The following VPS26C variants were observed in gnomAD, a reference collection of about 807,000 sequenced individuals.
The protein encoded by VPS26C is vacuolar protein sorting-associated protein 26C.
A neutral mutation model predicts 30.6 loss-of-function variants in VPS26C; 19 were observed. That is an observed-to-expected ratio of 0.62 (90% CI 0.43 to 0.91). The LOEUF is 0.91. Ranked by LOEUF, VPS26C falls within the 40% of genes least tolerant of loss-of-function variation. The pLI is 0.00. For synonymous variants in VPS26C, 132 were observed against 151.5 expected (o/e 0.87, Z 0.95); for missense variants, 318 against 385.1 (o/e 0.83, Z 1.46).
intron 1 of VPS26C, chr21:37,262,042 G>A (rs987751289): frequency 6.6e-6 from 1 of 151,936 alleles, no homozygotes; most frequent in East Asian, 1.9e-4. Context: ...TCAATATGCT[G>A]AACAGCCAAC....
intron 7 of VPS26C, chr21:37,225,933 T>G: frequency 2.5e-6 from 1 of 403,770 alleles, no homozygotes; most frequent in Middle Eastern, 6.9e-4. Flanking sequence ...AAAAAGGATA[T>G]TCTAGAACCC....
At chr21:37,240,435 G>A (rs531706280) in intron 2 of VPS26C, 61 bp downstream of exon 2, 2 of 1,590,898 alleles carry the variant, frequency 1.3e-6, no homozygotes, top group Admixed American at 3.4e-5. Context: ...CTGAGCCACT[G>A]CGCCCAGCCC....
At chr21:37,244,098 G>A (rs927294559) in intron 1 of VPS26C, among the ~76,000 whole-genome samples, 1 of 152,202 alleles carries the variant, frequency 6.6e-6, no homozygotes, top group Non-Finnish European at 1.5e-5. Flanking sequence ...GAGGCCTGAA[G>A]CTGCCCATCT....
At chr21:37,262,152 G>A (rs1449569275) in intron 1 of VPS26C, among the ~76,000 whole-genome samples, 1 of 152,168 alleles carries the variant, frequency 6.6e-6, no homozygotes, top group African/African-American at 2.4e-5. Context: ...TGCTGTTGCT[G>A]CCAGATTAGA....
At chr21:37,267,166 GAGCGATGGAGAC>G in intron 1 of VPS26C, 60 bp downstream of exon 1, 1 of 1,317,602 alleles carries the variant, frequency 7.6e-7, no homozygotes, top group Non-Finnish European at 1.1e-6. Flanking sequence ...GACGTGCGCA[GAGCGATGGAGAC>G]AGCGGAACCT....
intron 1 of VPS26C, chr21:37,261,356 T>C (rs1184473190): frequency 6.6e-6 from 1 of 152,194 alleles, no homozygotes; most frequent in Non-Finnish European, 1.5e-5. Context: ...CCCAGACCAA[T>C]GTCCTGGAGC....
Position 37,226,321 on chromosome 21 carries a change from C to G in VPS26C, c.812-695G>C, listed in dbSNP as rs1226191919. The G allele has an allele frequency of 6.6e-6, 1 of 152,354 alleles. No individual in the cohort carries two copies. The highest frequency in any genetic ancestry group is 2.4e-5 in the African/African-American group (1 of 41,444). The allele number at this position is 152,354 out of a possible 1,614,324, so 9.4% of individuals were successfully genotyped here. ...TGTGCTGAGCCCCACACTGTGGCAG[C>G]TCAGCTGTGGAAGGGGCCTTGGAGT... On this transcript the variant is annotated intron_variant, in intron 7 of 7. Coordinates refer to ENST00000309117, the MANE Select transcript of VPS26C (RefSeq NM_006052.2). The surrounding 1 kb of genome is among the most constrained non-coding windows in gnomAD (Gnocchi z 4.1).
intron 3 of VPS26C, among the ~76,000 whole-genome samples, chr21:37,234,340 G>A (rs775855351): frequency 6.6e-6 from 1 of 152,202 alleles, no homozygotes; most frequent in African/African-American, 2.4e-5. Flanking sequence ...TGGCAGAGCC[G>A]CATTCCATTT....
At chr21:37,266,919 C>T in intron 1 of VPS26C, 2 of 444,242 alleles carry the variant, frequency 4.5e-6, no homozygotes, top group Non-Finnish European at 8.1e-6. Flanking sequence ...GGAGCTCAAG[C>T]CTGAGAACCC....
intron 3 of VPS26C, among the ~76,000 whole-genome samples, chr21:37,235,851 GTATATATA>G (rs146084592): frequency 0.019 from 1,030 of 55,064 alleles, 17 homozygotes; most frequent in African/African-American, 0.084. Flanking sequence ...ATATGTGTGT[GTATATATA>G]TATATATATA....
rs201439649 is a variant in VPS26C at position 37,262,378 on chromosome 21, CT to C, written c.57+4859del. 5.0e-3 allele frequency among the ~76,000 whole-genome samples: 766 copies of C among 152,280 alleles called. 4 individuals are homozygous for C. Among genetic ancestry groups the C allele is most frequent in the African/African-American group, 0.017 (725 of 41,556 alleles). Reference sequence around the variant, plus strand: ...CTCCAGAAGGGCCCCCAGCTTCTCCCTTTTCCCCCCAGATGACTATACCCTA... The same window carrying C: ...CTCCAGAAGGGCCCCCAGCTTCTCCCTTTCCCCCCAGATGACTATACCCTA... On this transcript the variant is annotated intron_variant, in intron 1 of 7. Coordinates refer to ENST00000309117, the MANE Select transcript of VPS26C (RefSeq NM_006052.2).
chr21:37,267,213 ATCCCC>A lies in VPS26C; in HGVS notation c.57+20_57+24del. On this transcript the variant is annotated intron_variant, in intron 1 of 7. Transcript: ENST00000309117. ...TGCAGACCCGCCCAACCCCACCTCC[ATCCCC>A]ACCCCCAGCCCCCACTTACCCCGGC... is the stretch of plus-strand genomic sequence containing the variant. The A allele has an allele frequency of 1.2e-5, 5 of 415,804 alleles. No individual in the cohort carries two copies. The highest frequency in any genetic ancestry group is 2.3e-5 in the Non-Finnish European group (5 of 215,154). The allele number at this position is 415,804 out of a possible 1,614,324, so 25.8% of individuals were successfully genotyped here.
chr21:37,259,694 T>A (rs2086284160), intron 1 of VPS26C, among the ~76,000 whole-genome samples: 1 of 152,146 alleles, frequency 6.6e-6, no homozygotes, highest in Non-Finnish European at 1.5e-5. Flanking sequence ...AAATCACACT[T>A]GGCTCTCACG....
intron 3 of VPS26C, chr21:37,237,693 A>C (rs1383418268): frequency 6.6e-6 from 1 of 152,184 alleles, no homozygotes; most frequent in Non-Finnish European, 1.5e-5. Flanking sequence ...ATCTTTAAAC[A>C]CTCACAGGGG....
At chr21:37,228,531 G>T in intron 5 of VPS26C, 158 bp from the exon 6 acceptor site, 1 of 703,262 alleles carries the variant, frequency 1.4e-6, no homozygotes, top group Non-Finnish European at 2.3e-6. Flanking sequence ...AAGTACTGAC[G>T]TCTTGGACAT....
intron 1 of VPS26C, among the ~76,000 whole-genome samples, chr21:37,243,583 T>C (rs1368447321): frequency 6.6e-6 from 1 of 152,182 alleles, no homozygotes; most frequent in East Asian, 1.9e-4. Context: ...GGAATGTGAA[T>C]ACTTTTCAGT....
At chr21:37,235,871 ATATATATATT>A (rs1412653535) in intron 3 of VPS26C, among the ~76,000 whole-genome samples, 15 of 44,916 alleles carry the variant, frequency 3.3e-4, no homozygotes, top group East Asian at 1.0e-3. Flanking sequence ...ATATATATAT[ATATATATATT>A]TTTTTTTTTA....
At chr21:37,255,363 G>A (rs1316945311) in intron 1 of VPS26C, among the ~76,000 whole-genome samples, 1 of 152,150 alleles carries the variant, frequency 6.6e-6, no homozygotes, top group Non-Finnish European at 1.5e-5. Flanking sequence ...CCTGGCATGT[G>A]ACAGTAAAAC....
At chr21:37,267,524 G>C (rs561800428), upstream of VPS26C, 7 of 573,212 alleles carry the variant, frequency 1.2e-5, 1 homozygote, top group South Asian at 1.0e-4. Context: ...CGCTGTCACG[G>C]TTCACCCCGC....
Sources: allele counts gnomAD v4.1 joint callset (sites outside exome capture counted in the v4.1 genomes callset), GRCh38; gene constraint gnomAD v4.1.1; non-coding constraint Gnocchi (gnomAD v3.1); transcripts MANE v1.5; gene names NCBI Gene and HGNC (gene_info 2026-07-23, HGNC 2026-07-21).